TUT1: variants seen among roughly 807,000 people sequenced by gnomAD.
TUT1 encodes terminal uridylyl transferase 1, U6 snRNA-specific.
A neutral mutation model predicts 48.8 loss-of-function variants in TUT1; 26 were observed. That is an observed-to-expected ratio of 0.53 (90% CI 0.39 to 0.74). TUT1 has a LOEUF of 0.74. Among genes scored for constraint, TUT1 ranks in the 30% least tolerant of loss-of-function variants. The probability of loss-of-function intolerance (pLI) is 0.00; values close to 1 mark genes in which losing one functional copy is unlikely to be tolerated. For missense variants in TUT1, 1,065 were observed against 1,114.8 expected, an observed-to-expected ratio of 0.96 and a Z score of 0.64; for synonymous variants, 470 against 460.8, an observed-to-expected ratio of 1.02 and a Z score of -0.26.
At chr11:62,581,320 T>C (rs2134308447) in intron 3 of TUT1, 66 bp downstream of exon 3, 1 of 1,563,308 alleles carries the variant, frequency 6.4e-7, no homozygotes, top group Non-Finnish European at 8.7e-7. Context: ...GAGGAAGGAC[T>C]GGGGATACAG....
intron 2 of TUT1, among the ~76,000 whole-genome samples, chr11:62,585,754 G>T (rs139258196): frequency 6.6e-6 from 1 of 152,122 alleles, no homozygotes; most frequent in South Asian, 2.1e-4. Flanking sequence ...AGCCAAGATC[G>T]TGCCACTGCA....
In TUT1 at chr11:62,581,828, A is replaced by G. The variant is rs1453122082; in HGVS notation, c.274-127T>C. 7 of 904,266 alleles carry G rather than the reference A, an allele frequency of 7.7e-6. No homozygotes were observed. In the East Asian group the frequency reaches 1.9e-4, roughly 25 times the overall value. The allele number at this position is 904,266 out of a possible 1,614,324, so 56.0% of individuals were successfully genotyped here. ...TTGAGAATATTTGCTTGCTGTTTTCATAATAACAGGGGACATATCTAGAAA... is the reference window on the plus strand; with the variant it reads ...TTGAGAATATTTGCTTGCTGTTTTCGTAATAACAGGGGACATATCTAGAAA... On this transcript the variant is annotated intron_variant, in intron 2 of 8. Coordinates refer to ENST00000476907, the MANE Select transcript of TUT1 (RefSeq NM_022830.3).
chr11:62,589,407 TTTTAA>T (rs1379099634), intron 1 of TUT1, among the ~76,000 whole-genome samples, 186 bp from the exon 2 acceptor site: 3 of 152,164 alleles, frequency 2.0e-5, no homozygotes, highest in Admixed American at 1.3e-4. Context: ...ATTCTTTTTT[TTTTAA>T]TTTATTTTTT....
chr11:62,577,800 G>A (rs55774907), intron 5 of TUT1, among the ~76,000 whole-genome samples: 4,027 of 152,166 alleles, frequency 0.026, 180 homozygotes, highest in African/African-American at 0.091. Flanking sequence ...GGTGCCTCAC[G>A]CCTGTAATCC....
intron 2 of TUT1, among the ~76,000 whole-genome samples, chr11:62,587,929 C>T (rs1236326860): frequency 6.6e-6 from 1 of 152,214 alleles, no homozygotes; most frequent in East Asian, 1.9e-4. Context: ...ACAGGGTGTT[C>T]TAACCAAACA....
chr11:62,590,960 C>T (rs938367072), intron 1 of TUT1, among the ~76,000 whole-genome samples: 6 of 152,160 alleles, frequency 3.9e-5, no homozygotes, highest in Admixed American at 1.3e-4. Context: ...TTTCATCCAT[C>T]CCCTCCTTTG....
rs1297017153 is a variant in TUT1 at position 62,589,224 on chromosome 11, G to A, written c.83-3C>T. 1 of 1,613,524 alleles carries A rather than the reference G, an allele frequency of 6.2e-7. No homozygotes were observed. The highest frequency in any genetic ancestry group is 8.5e-7 in the Non-Finnish European group (1 of 1,179,702). On this transcript the variant is annotated splice_polypyrimidine_tract_variant and splice_region_variant and intron_variant, in intron 1 of 8. Coordinates refer to ENST00000476907, the MANE Select transcript of TUT1 (RefSeq NM_022830.3). ...CAAGTGGGCATCAAGGCTGGGTCCT[G>A]CAAAGACAAGTGTGAGACAAAAACA...
rs145823364 is a variant in TUT1 at position 62,581,698 on chromosome 11, C to A, written c.277G>T (p.Val93Leu). 4 of 1,450,902 alleles carry A rather than the reference C, an allele frequency of 2.8e-6. No individual in the cohort carries two copies. Among genetic ancestry groups the A allele is most frequent in the Non-Finnish European group, 3.6e-6 (4 of 1,099,184 alleles). 89.9% of individuals were successfully genotyped at this position (1,450,902 alleles called of 1,614,324 possible). Residue 93 changes from valine (V) to leucine (L), a missense_variant, in exon 3 of 9, where the codon GTG becomes TTG. Val to Leu is a conservative substitution (Grantham distance 32). Coordinates refer to ENST00000476907, the MANE Select transcript of TUT1 (RefSeq NM_022830.3). ...TCCCCCATCTCCACAATGGCAAACA[C>A]TCCCTGGTAAACAACAGGGGCAGAG... ...ASVVMDKDKG[V>L]FAIVEMGDVG...
chr11:62,586,087 C>T (rs1941910703), intron 2 of TUT1, among the ~76,000 whole-genome samples: 1 of 152,190 alleles, frequency 6.6e-6, no homozygotes, highest in South Asian at 2.1e-4. Flanking sequence ...CACTGCATTC[C>T]AGCCTGGGCA....
In TUT1 at chr11:62,578,583, C is replaced by T. The variant is rs146106768; in HGVS notation, c.1138G>A (p.Gly380Ser). 4.0e-5 allele frequency: 65 copies of T among 1,607,654 alleles called. 1 individual carries two copies. Among genetic ancestry groups the T allele is most frequent in the African/African-American group, 5.4e-5 (4 of 74,588 alleles). The change falls in exon 5 of 9, where the codon GGT becomes AGT. Residue 380 changes from glycine to serine, a missense_variant. By Grantham distance (56) the Gly-to-Ser change is moderately conservative. Coordinates refer to ENST00000476907, the MANE Select transcript of TUT1 (RefSeq NM_022830.3). ...KFCHRPSGLHGDVSLSNRLAL... is the reference protein window; with the variant it reads ...KFCHRPSGLHSDVSLSNRLAL... Reference sequence around the variant, plus strand: ...TACCGGTTACTGAGGGAGACATCACCGTGGAGACCTGAAGGCCGATGACAG... The same window carrying T: ...TACCGGTTACTGAGGGAGACATCACTGTGGAGACCTGAAGGCCGATGACAG...
intron 5 of TUT1, among the ~76,000 whole-genome samples, chr11:62,577,549 C>CTGTGGTG (rs1194287228): frequency 1.3e-5 from 2 of 149,648 alleles, no homozygotes; most frequent in African/African-American, 2.5e-5. Flanking sequence ...CACACCACTG[C>CTGTGGTG]ACTCCAGCCT....
chr11:62,585,533 A>AT (rs138014517), intron 2 of TUT1, among the ~76,000 whole-genome samples: 10,780 of 152,284 alleles, frequency 0.071, 511 homozygotes, highest in Middle Eastern at 0.13. Context: ...GGACTGGCAG[A>AT]TTCAGAAGAC....
intron 2 of TUT1, chr11:62,582,437 A>G (rs576835316): frequency 2.1e-5 from 6 of 282,002 alleles, no homozygotes; most frequent in African/African-American, 1.1e-4. Flanking sequence ...AAAAGAAAAG[A>G]AAAAGAAAAT....
chr11:62,584,127 ATT>A (rs1190506956), intron 2 of TUT1, among the ~76,000 whole-genome samples: 92 of 133,232 alleles, frequency 6.9e-4, no homozygotes, highest in African/African-American at 1.9e-3. Flanking sequence ...ACTGAATTGT[ATT>A]TTTTTTTTTT....
chr11:62,589,363 A>C (rs1590725032), intron 1 of TUT1, 142 bp from the exon 2 acceptor site: 2 of 668,986 alleles, frequency 3.0e-6, no homozygotes, highest in Non-Finnish European at 5.0e-6. Context: ...GGCTCCTTTC[A>C]CCTTCCTCTC....
intron 2 of TUT1, among the ~76,000 whole-genome samples, chr11:62,587,518 C>T (rs1941940572): frequency 6.6e-6 from 1 of 152,194 alleles, no homozygotes; most frequent in Non-Finnish European, 1.5e-5. Context: ...CAAGCTGCCC[C>T]TTCTTCTTTT....
chr11:62,576,254 G>T lies in TUT1; in HGVS notation c.1475-10C>A, dbSNP rs1182830102. On this transcript the variant is annotated splice_polypyrimidine_tract_variant and intron_variant, in intron 8 of 8. Transcript: ENST00000476907. ...TGGGCTAGCAGGGAACCTGGAGGAGGAGGAAGAGTGGGGAAAGGGGGGTCA... is the reference window on the plus strand; with the variant it reads ...TGGGCTAGCAGGGAACCTGGAGGAGTAGGAAGAGTGGGGAAAGGGGGGTCA... 2 of 1,551,230 alleles carry T rather than the reference G, an allele frequency of 1.3e-6. No individual in the cohort carries two copies. The highest frequency in any genetic ancestry group is 4.0e-5 in the Admixed American group (2 of 49,576).
chr11:62,589,332 C>T lies in TUT1; in HGVS notation c.83-111G>A, dbSNP rs984972362. The T allele has an allele frequency of 3.0e-6, 3 of 1,003,062 alleles. No individual in the cohort carries two copies. The African/African-American group carries it at 4.9e-5, about 16-fold the overall frequency. The allele number at this position is 1,003,062 out of a possible 1,614,324, so 62.1% of individuals were successfully genotyped here. ...TCCTTCCAAGCCACAGAAACTGTGA[C>T]CTTTGAATAAACAAAGTCCTGGCTC... On this transcript the variant is annotated intron_variant, in intron 1 of 8. Coordinates refer to ENST00000476907, the MANE Select transcript of TUT1 (RefSeq NM_022830.3).
intron 2 of TUT1, among the ~76,000 whole-genome samples, chr11:62,586,850 G>A (rs560338262): frequency 3.9e-4 from 59 of 150,254 alleles, no homozygotes; most frequent in East Asian, 1.0e-3. Context: ...GATTACAGGC[G>A]CCTGCCACCA....
Sources: allele counts gnomAD v4.1 joint callset (sites outside exome capture counted in the v4.1 genomes callset), GRCh38; gene constraint gnomAD v4.1.1; transcripts MANE v1.5; gene names NCBI Gene and HGNC (gene_info 2026-07-23, HGNC 2026-07-21).